The following NKAIN2 variants were observed in gnomAD, a reference collection of about 807,000 sequenced individuals.
NKAIN2 encodes the protein sodium/potassium-transporting ATPase subunit beta-1-interacting protein 2.
A neutral mutation model predicts 32.6 loss-of-function variants in NKAIN2; 14 were observed. The observed-to-expected ratio is 0.43, with a 90% CI of 0.28 to 0.67. The LOEUF is 0.67. NKAIN2 is among the 30% of genes least tolerant of loss of function. The probability of loss-of-function intolerance (pLI) is 0.17; values close to 1 mark genes in which losing one functional copy is unlikely to be tolerated. For synonymous variants in NKAIN2, 80 were observed against 87.2 expected (o/e 0.92, Z 0.46); for missense variants, 198 against 258.3 (o/e 0.77, Z 1.60).
chr6:124,208,395 G>A (rs1019754691), intron 1 of NKAIN2, among the ~76,000 whole-genome samples: 14 of 151,560 alleles, frequency 9.2e-5, no homozygotes, highest in African/African-American at 1.2e-4. Context: ...AACATTTTTC[G>A]GTAGAAAGCT....
intron 1 of NKAIN2, among the ~76,000 whole-genome samples, chr6:124,279,621 CT>C (rs1205578562): frequency 6.7e-6 from 1 of 150,344 alleles, no homozygotes; most frequent in East Asian, 2.0e-4. Context: ...AGAAATTGAA[CT>C]GTAGGTCAGT....
At chr6:123,852,574 A>G (rs1264343481) in intron 1 of NKAIN2, among the ~76,000 whole-genome samples, 2 of 152,198 alleles carry the variant, frequency 1.3e-5, no homozygotes, top group South Asian at 2.1e-4. Context: ...TCATTGCAGC[A>G]TTATTCACAA....
At chr6:124,122,076 T>C in intron 1 of NKAIN2, 1 of 206,582 alleles carries the variant, frequency 4.8e-6, no homozygotes, top group Non-Finnish European at 9.9e-6. Flanking sequence ...TTTTATTTTA[T>C]GTAAATAATA....
chr6:123,879,581 A>G (rs1260469432), intron 1 of NKAIN2, among the ~76,000 whole-genome samples: 1 of 152,100 alleles, frequency 6.6e-6, no homozygotes, highest in Non-Finnish European at 1.5e-5. Context: ...TTCCACTGTC[A>G]CCTAATGACA....
intron 1 of NKAIN2, among the ~76,000 whole-genome samples, chr6:123,997,137 A>G (rs1779653369): frequency 6.6e-6 from 1 of 152,212 alleles, no homozygotes; most frequent in African/African-American, 2.4e-5. Flanking sequence ...ACGTGTGATC[A>G]GAAGATAAAG....
chr6:124,006,086 T>C (rs1780062738), intron 1 of NKAIN2, among the ~76,000 whole-genome samples: 1 of 152,192 alleles, frequency 6.6e-6, no homozygotes, highest in Non-Finnish European at 1.5e-5. Context: ...AGTACTTATG[T>C]CTATATACCA....
At chr6:124,171,906 G>A in intron 1 of NKAIN2, among the ~76,000 whole-genome samples, 1 of 141,772 alleles carries the variant, frequency 7.1e-6, no homozygotes, top group Non-Finnish European at 1.5e-5. Flanking sequence ...GAGTACAATG[G>A]CATGATCTCC....
intron 2 of NKAIN2, among the ~76,000 whole-genome samples, chr6:124,310,659 C>T (rs187511147): frequency 5.3e-5 from 8 of 152,162 alleles, no homozygotes; most frequent in African/African-American, 1.9e-4. Flanking sequence ...TAACTGAAAG[C>T]CGAAAGTAGC....
In NKAIN2 at chr6:124,476,977, T is replaced by C. The variant is rs550944019; in HGVS notation, c.273+121630T>C. 2.0e-5 allele frequency among the ~76,000 whole-genome samples: 3 copies of C among 152,294 alleles called. No homozygotes were observed. The East Asian group carries it at 5.8e-4, about 29-fold the overall frequency. ...ACTGCCTTAATCAAAGTGTCACCCT[T>C]TGTACTGAAAGTGCTTACAAGTACA... On this transcript the variant is annotated intron_variant, in intron 3 of 6. Transcript: ENST00000368417.
At chr6:124,169,688 G>GT (rs1005412603) in intron 1 of NKAIN2, among the ~76,000 whole-genome samples, 1 of 151,918 alleles carries the variant, frequency 6.6e-6, no homozygotes. Context: ...TAGTGCGTAT[G>GT]TTTTTTTTCT....
intron 3 of NKAIN2, among the ~76,000 whole-genome samples, chr6:124,461,622 A>G (rs1776535015): frequency 6.6e-6 from 1 of 151,848 alleles, no homozygotes; most frequent in African/African-American, 2.4e-5. Context: ...CTGTCATCAT[A>G]GTACTAGAAT....
chr6:124,131,768 C>G (rs1004936517), intron 1 of NKAIN2, among the ~76,000 whole-genome samples: 2 of 152,126 alleles, frequency 1.3e-5, no homozygotes, highest in Non-Finnish European at 2.9e-5. Context: ...CTGACTATGT[C>G]TCACAGGGTT....
At chr6:124,295,841 C>T (rs538795724) in intron 2 of NKAIN2, among the ~76,000 whole-genome samples, 5 of 152,148 alleles carry the variant, frequency 3.3e-5, no homozygotes, top group Non-Finnish European at 7.4e-5. Context: ...ACTCAACTTC[C>T]CAATCTGAAC....
chr6:124,181,018 C>T (rs1004253203), intron 1 of NKAIN2, among the ~76,000 whole-genome samples: 12 of 152,168 alleles, frequency 7.9e-5, no homozygotes, highest in African/African-American at 1.9e-4. Context: ...AAGGTTCTGC[C>T]GCTGCAGCAC....
At chr6:124,157,003 T>C (rs1026450748) in intron 1 of NKAIN2, among the ~76,000 whole-genome samples, 1 of 142,444 alleles carries the variant, frequency 7.0e-6, no homozygotes, top group Non-Finnish European at 1.5e-5. Flanking sequence ...CTTGGGAGGC[T>C]AAGCCAGGAG....
intron 2 of NKAIN2, among the ~76,000 whole-genome samples, chr6:124,317,512 G>T (rs1235872713): frequency 3.3e-5 from 5 of 151,908 alleles, no homozygotes; most frequent in African/African-American, 1.2e-4. Flanking sequence ...TGTAAAGCAG[G>T]GTGCTCTCAT....
At chr6:124,751,787 T>G (rs897941851) in intron 4 of NKAIN2, among the ~76,000 whole-genome samples, 2 of 150,688 alleles carry the variant, frequency 1.3e-5, no homozygotes, top group Non-Finnish European at 2.9e-5. Context: ...GAGACCAACC[T>G]GGGTAACATA....
chr6:124,582,655 TA>T (rs1005689356), intron 3 of NKAIN2, among the ~76,000 whole-genome samples: 1 of 151,756 alleles, frequency 6.6e-6, no homozygotes, highest in African/African-American at 2.4e-5. Flanking sequence ...ATGGGCACAT[TA>T]AAAAAAGAAA....
At chr6:124,694,581 T>C (rs1224999116) in intron 4 of NKAIN2, among the ~76,000 whole-genome samples, 1 of 152,176 alleles carries the variant, frequency 6.6e-6, no homozygotes, top group Non-Finnish European at 1.5e-5. Context: ...AGACAACAGC[T>C]TGAATCCAGC....
Sources: gnomAD v4.1 joint callset for allele counts (sites outside exome capture counted in the v4.1 genomes callset) on GRCh38, gnomAD v4.1.1 for gene constraint, MANE v1.5 for transcripts, NCBI Gene and HGNC (gene_info 2026-07-23, HGNC 2026-07-21) for gene names.